The following CASK variants were observed in gnomAD, a reference collection of about 807,000 sequenced individuals.
CASK encodes the protein calcium/calmodulin dependent serine protein kinase.
In CASK, 4 loss-of-function variants were observed where a neutral mutation model predicts 82.9. The observed-to-expected ratio is 0.05, with a 90% CI of 0.02 to 0.11. CASK has a LOEUF of 0.11. Ranked by LOEUF, CASK falls within the 10% of genes least tolerant of loss-of-function variation. The pLI is 1.00. For missense variants in CASK, 358 were observed against 720.9 expected, an observed-to-expected ratio of 0.50 and a Z score of 5.76; for synonymous variants, 259 against 253.5, an observed-to-expected ratio of 1.02 and a Z score of -0.20.
intron 6 of CASK, among the ~76,000 whole-genome samples, chrX:41,668,521 T>A (rs1188955955): frequency 9.0e-6 from 1 of 111,662 alleles, no homozygotes; most frequent in Admixed American, 9.5e-5. Context: ...CTATTGTAGT[T>A]ATTTTCTAGG....
At chrX:41,561,493 ATATTTAAAAACAAGCTAACAAAG>A (rs1310428684) in intron 17 of CASK, 43 bp downstream of exon 17, 3 of 744,568 alleles carry the variant, frequency 4.0e-6, no homozygotes, top group Non-Finnish European at 6.2e-6. Context: ...CCTTATTTGT[ATATTTAAAAACAAGCTAACAAAG>A]TAAAAGTCAA....
intron 5 of CASK, among the ~76,000 whole-genome samples, chrX:41,706,643 A>G (rs1365473561): frequency 8.9e-6 from 1 of 112,108 alleles, no homozygotes; most frequent in African/African-American, 3.2e-5. Context: ...CATATTATAT[A>G]TACATATACA....
chrX:41,866,683 G>A (rs1355154940), intron 1 of CASK, among the ~76,000 whole-genome samples: 1 of 111,293 alleles, frequency 9.0e-6, no homozygotes, highest in Non-Finnish European at 1.9e-5. Flanking sequence ...TATTGTTGTT[G>A]TTGACAATCC....
intron 5 of CASK, among the ~76,000 whole-genome samples, chrX:41,716,815 G>A (rs985215460): frequency 8.9e-6 from 1 of 111,744 alleles, no homozygotes; most frequent in African/African-American, 3.3e-5. Flanking sequence ...CAGCCCACTC[G>A]TTCTGCTGTG....
chrX:41,695,954 C>T (rs754006582), intron 5 of CASK: 56 of 1,203,433 alleles, frequency 4.7e-5, no homozygotes, highest in Non-Finnish European at 6.0e-5. Context: ...TCTTCTGCCT[C>T]CCTTTCCGAA....
chrX:41,615,020 G>A (rs2066169437), intron 11 of CASK, among the ~76,000 whole-genome samples: 1 of 109,604 alleles, frequency 9.1e-6, no homozygotes, highest in Non-Finnish European at 1.9e-5. Flanking sequence ...TGCCCAGGCT[G>A]GTCTTGGACT....
At chrX:41,816,024 C>T in intron 2 of CASK, among the ~76,000 whole-genome samples, 1 of 111,143 alleles carries the variant, frequency 9.0e-6, no homozygotes, top group East Asian at 2.8e-4. Flanking sequence ...CCATGCCTGG[C>T]TTATTTTTGT....
intron 4 of CASK, among the ~76,000 whole-genome samples, chrX:41,741,760 G>A (rs1397409349): frequency 8.9e-6 from 1 of 112,125 alleles, no homozygotes; most frequent in African/African-American, 3.2e-5. Context: ...ATGTCAAAGT[G>A]TGCAAGCAGA....
chrX:41,557,112 C>T lies in CASK; in HGVS notation c.1738-12G>A. ...GAAGGGGAATCTCTCTGAAATAAGACACAAGGTTCATTAACACAGAACACC... is the reference window on the plus strand; with the variant it reads ...GAAGGGGAATCTCTCTGAAATAAGATACAAGGTTCATTAACACAGAACACC... On this transcript the variant is annotated splice_polypyrimidine_tract_variant and intron_variant, in intron 18 of 26. Coordinates refer to ENST00000378163, the MANE Select transcript of CASK (RefSeq NM_001367721.1). 1.7e-6 allele frequency: 2 copies of T among 1,169,253 alleles called. No individual in the cohort carries two copies. The highest frequency in any genetic ancestry group is 2.3e-6 in the Non-Finnish European group (2 of 856,747).
At chrX:41,828,023 G>A (rs1359367729) in intron 2 of CASK, among the ~76,000 whole-genome samples, 2 of 111,686 alleles carry the variant, frequency 1.8e-5, no homozygotes, top group Non-Finnish European at 3.8e-5. Flanking sequence ...GCACTAAGCT[G>A]AGATGCTTCA....
chrX:41,688,068 T>G (rs1390891855), intron 5 of CASK, among the ~76,000 whole-genome samples: 1 of 109,069 alleles, frequency 9.2e-6, no homozygotes, highest in Non-Finnish European at 1.9e-5. Flanking sequence ...GCAGGACTAA[T>G]ACAGCAACCA....
At chrX:41,622,807 T>G (rs901914146) in intron 10 of CASK, among the ~76,000 whole-genome samples, 173 bp from the exon 11 acceptor site, 3 of 111,445 alleles carry the variant, frequency 2.7e-5, no homozygotes, top group African/African-American at 9.8e-5. Flanking sequence ...GTTTGGGATT[T>G]CAGACATCAA....
intron 24 of CASK, among the ~76,000 whole-genome samples, chrX:41,531,885 A>G (rs944348989): frequency 1.8e-5 from 2 of 112,528 alleles, no homozygotes; most frequent in African/African-American, 6.5e-5. Context: ...CTAAATCAGG[A>G]GGTGACAAAC....
intron 19 of CASK, among the ~76,000 whole-genome samples, chrX:41,556,577 G>A (rs774570278): frequency 9.8e-5 from 11 of 111,824 alleles, no homozygotes; most frequent in Non-Finnish European, 1.9e-4. Context: ...ACACCAATTC[G>A]TAAACTTAGA....
At chrX:41,796,699 G>A (rs187328073) in intron 2 of CASK, among the ~76,000 whole-genome samples, 1 of 111,859 alleles carries the variant, frequency 8.9e-6, no homozygotes, top group Admixed American at 9.5e-5. Context: ...TAATCTTCCA[G>A]ACAGCCCTTG....
In CASK at chrX:41,852,125, G is replaced by A. The variant is rs187255450; in HGVS notation, c.172+990C>T. Among the ~76,000 whole-genome samples the A allele has an allele frequency of 5.4e-3, 595 of 111,053 alleles. 4 individuals are homozygous for A. Among genetic ancestry groups the A allele is most frequent in the African/African-American group, 0.018 (561 of 30,703 alleles). ...ACAAATCAGTTATTCTTTGTGAGTAGCAACTTCTAAGAATCTTCCATAATC... is the reference window on the plus strand; with the variant it reads ...ACAAATCAGTTATTCTTTGTGAGTAACAACTTCTAAGAATCTTCCATAATC... On this transcript the variant is annotated intron_variant, in intron 2 of 26. Coordinates refer to ENST00000378163, the MANE Select transcript of CASK (RefSeq NM_001367721.1).
Position 41,817,463 on chromosome X carries a change from TATA to T in CASK, c.173-30183_173-30181del, listed in dbSNP as rs767064830. The stretch of plus-strand genomic sequence containing the variant: ...TGTATTCAAGATGACATAACTGACA[TATA>T]ATCATCCATGGAGAAAATCAGAGAG... On this transcript the variant is annotated intron_variant, in intron 2 of 26. Coordinates refer to ENST00000378163, the MANE Select transcript of CASK (RefSeq NM_001367721.1). 2.1e-4 allele frequency among the ~76,000 whole-genome samples: 23 copies of T among 111,960 alleles called. No homozygotes were observed. The South Asian group carries it at 8.6e-3, about 42-fold the overall frequency.
intron 11 of CASK, among the ~76,000 whole-genome samples, chrX:41,610,565 TC>T (rs999846632): frequency 1.8e-5 from 2 of 111,720 alleles, no homozygotes; most frequent in African/African-American, 6.5e-5. Flanking sequence ...CCTTTTTTTT[TC>T]CTTTACATAC....
In CASK at chrX:41,524,042, A is replaced by C; in HGVS notation, c.2521-8T>G. The C allele has an allele frequency of 9.1e-7, 1 of 1,093,896 alleles. No homozygotes were observed. Among genetic ancestry groups the C allele is most frequent in the Non-Finnish European group, 1.2e-6 (1 of 804,530 alleles). 90.1% of individuals were successfully genotyped at this position (1,093,896 alleles called of 1,213,427 possible). On this transcript the variant is annotated splice_region_variant and splice_polypyrimidine_tract_variant and intron_variant, in intron 25 of 26. Coordinates refer to ENST00000378163, the MANE Select transcript of CASK (RefSeq NM_001367721.1). Reference sequence around the variant, plus strand: ...TCTCAGGACCTTCAGTGCCTGTGTTAAGAAAAAAAAAAAAAATCCCGACTT... The same window carrying C: ...TCTCAGGACCTTCAGTGCCTGTGTTCAGAAAAAAAAAAAAAATCCCGACTT...
Sources: gnomAD v4.1 joint callset for allele counts (sites outside exome capture counted in the v4.1 genomes callset) on GRCh38, gnomAD v4.1.1 for gene constraint, MANE v1.5 for transcripts, NCBI Gene and HGNC (gene_info 2026-07-23, HGNC 2026-07-21) for gene names.